Variants in CZIB observed in about 807,000 individuals in gnomAD.
CZIB encodes UPF0587 protein C1orf123.
CZIB carries 26 observed loss-of-function variants against 28.3 expected under a neutral mutation model. The observed-to-expected ratio is 0.92, with a 90% confidence interval of 0.67 to 1.27. The LOEUF is 1.27. Among genes scored for constraint, CZIB ranks in the 50% most tolerant of loss-of-function variants. The pLI, the probability that CZIB is intolerant of heterozygous loss-of-function variation, is 0.00. For missense variants in CZIB, 179 were observed against 197.3 expected (o/e 0.91, Z 0.56); for synonymous variants, 78 against 71.1 (o/e 1.10, Z -0.49).
intron 2 of CZIB, chr1:53,219,220 A>G (rs1279653712): frequency 7.4e-6 from 3 of 406,702 alleles, no homozygotes; most frequent in East Asian, 5.8e-5. Flanking sequence ...GGGGGGGAAT[A>G]TGGAGAGATT....
chr1:53,214,972 A>G (rs1645460847), intron 7 of CZIB, among the ~76,000 whole-genome samples: 1 of 152,222 alleles, frequency 6.6e-6, no homozygotes, highest in African/African-American at 2.4e-5. Context: ...TTCTATTTAA[A>G]AAAAACAAAA....
At chr1:53,220,160 G>A (rs1447502326) in intron 2 of CZIB, 101 bp downstream of exon 2, 2 of 1,037,342 alleles carry the variant, frequency 1.9e-6, no homozygotes, top group South Asian at 1.5e-5. Flanking sequence ...AACACTTAAT[G>A]TGCCTGGTTA....
At chr1:53,218,586 G>C in intron 3 of CZIB, 91 bp from the exon 4 acceptor site, 1 of 1,319,862 alleles carries the variant, frequency 7.6e-7, no homozygotes, top group Non-Finnish European at 1.1e-6. Context: ...TCCACTTAAA[G>C]AGACCAAGAC....
intron 5 of CZIB, chr1:53,217,123 T>A: frequency 2.5e-6 from 1 of 405,310 alleles, no homozygotes; most frequent in South Asian, 3.5e-5. Context: ...TCTGCCTATC[T>A]TCCCCTCTGG....
At chr1:53,217,455 A>T (rs1203155898) in intron 5 of CZIB, 3 of 153,766 alleles carry the variant, frequency 2.0e-5, no homozygotes, top group Non-Finnish European at 2.9e-5. Context: ...TGCCTACCTG[A>T]CCTATGGGCT....
rs534964575 is a variant in CZIB, at chr1:53,214,524, T to G, written c.*135A>C. ...TGGGGCTTGGGAAGCTGTAATAAAG[T>G]CCAGCATGCAGATTGTGAAGGTTTC... On this transcript the variant is annotated 3_prime_UTR_variant, in exon 8 of 8. Transcript: ENST00000294360. 1 of 689,548 alleles carries G rather than the reference T, an allele frequency of 1.5e-6. No individual in the cohort carries two copies. Among genetic ancestry groups the G allele is most frequent in the East Asian group, 2.7e-5 (1 of 37,046 alleles). 42.7% of individuals were successfully genotyped at this position (689,548 alleles called of 1,614,324 possible).
chr1:53,214,291 T>C lies in CZIB; in HGVS notation c.*368A>G, dbSNP rs1285786969. ...AAGTTCAGGTAACAGTACGTCACCA[T>C]TGGCTTCTGGCTCATTGAGTGATGG... is the stretch of plus-strand genomic sequence containing the variant. On this transcript the variant is annotated 3_prime_UTR_variant, in exon 8 of 8. Coordinates refer to ENST00000294360, the MANE Select transcript of CZIB (RefSeq NM_017887.3). 4 of 209,896 alleles carry C rather than the reference T, an allele frequency of 1.9e-5. No homozygotes were observed. The highest frequency in any genetic ancestry group is 1.1e-4 in the East Asian group (1 of 8,960). The allele number at this position is 209,896 out of a possible 1,614,324, so 13.0% of individuals were successfully genotyped here.
intron 7 of CZIB, among the ~76,000 whole-genome samples, chr1:53,215,660 T>G (rs770651450): frequency 1.2e-4 from 18 of 152,216 alleles, no homozygotes; most frequent in Non-Finnish European, 2.5e-4. Context: ...CATCAACCAA[T>G]CAATAATCTA....
Position 53,220,570 on chromosome 1 carries a change from C to T in CZIB, c.6G>A (p.Gly2=), listed in dbSNP as rs754823336. Residue 2 remains glycine, a splice_region_variant and synonymous_variant, in exon 1 of 8, where the codon GGG becomes GGA. Coordinates refer to ENST00000294360, the MANE Select transcript of CZIB (RefSeq NM_017887.3). Reference sequence around the variant, plus strand: ...CCCGCGGCGGGCGGCCTCCCCTCACCCCCATGGTAGCCCTCTCCGCCCGGT... The same window carrying T: ...CCCGCGGCGGGCGGCCTCCCCTCACTCCCATGGTAGCCCTCTCCGCCCGGT... M[G]KIALQLKATL... is the part of the protein sequence containing the mutation. 1.3e-6 allele frequency: 2 copies of T among 1,599,046 alleles called. No individual in the cohort carries two copies. The highest frequency in any genetic ancestry group is 2.2e-5 in the East Asian group (1 of 44,858).
At position 53,218,216 on chromosome 1, in the gene CZIB, A is replaced by C; in HGVS notation, c.230-13T>G. 1 of 1,614,094 alleles carries C rather than the reference A, an allele frequency of 6.2e-7. No individual in the cohort carries two copies. Among genetic ancestry groups the C allele is most frequent in the South Asian group, 1.1e-5 (1 of 91,068 alleles). On this transcript the variant is annotated splice_polypyrimidine_tract_variant and intron_variant, in intron 4 of 7. Transcript: ENST00000294360. ...CTGCTTAAAATCTCTGAAATAGAAAAGAGAACACAAAGTTGACTTGAGTCC... is the reference window on the plus strand; with the variant it reads ...CTGCTTAAAATCTCTGAAATAGAAACGAGAACACAAAGTTGACTTGAGTCC...
chr1:53,214,275 T>A lies in CZIB; in HGVS notation c.*384A>T, dbSNP rs540664995. The A allele has an allele frequency of 5.3e-6, 1 of 189,334 alleles. No individual in the cohort carries two copies. Among genetic ancestry groups the A allele is most frequent in the East Asian group, 1.4e-4 (1 of 7,290 alleles). The allele number at this position is 189,334 out of a possible 1,614,324, so 11.7% of individuals were successfully genotyped here. ...CAACAGCAAGTTCAGTAAGTTCAGG[T>A]AACAGTACGTCACCATTGGCTTCTG... is the stretch of plus-strand genomic sequence containing the variant. On this transcript the variant is annotated 3_prime_UTR_variant, in exon 8 of 8. Coordinates refer to ENST00000294360, the MANE Select transcript of CZIB (RefSeq NM_017887.3).
At position 53,218,874 on chromosome 1, in the gene CZIB, C is replaced by T. The variant is rs778342480; in HGVS notation, c.140G>A (p.Arg47Gln). The change falls in exon 3 of 8, where the codon CGG becomes CAG. Residue 47 changes from arginine to glutamine, a missense_variant. Transcript: ENST00000294360. ...GEISDKWQYI[R>Q]LMDSVALKGG... ...TGGGCGGGGAACAGTTACCATCAGC[C>T]GGATGTACTGCCACTTGTCCGAAAT... The T allele has an allele frequency of 1.5e-5, 24 of 1,613,176 alleles. No individual in the cohort carries two copies. Among genetic ancestry groups the T allele is most frequent in the Middle Eastern group, 1.6e-4 (1 of 6,062 alleles).
rs374280662 is a variant in CZIB, at chr1:53,220,261, C to G, written c.90G>C (p.Lys30Asn). 2.1e-5 allele frequency: 34 copies of G among 1,612,966 alleles called. No individual in the cohort carries two copies. The highest frequency in any genetic ancestry group is 2.9e-5 in the Non-Finnish European group (34 of 1,179,724). Residue 30 changes from lysine (K) to asparagine (N), a missense_variant and splice_region_variant, in exon 2 of 8, where the codon AAG becomes AAC. Physicochemically the swap from Lys to Asn is moderately conservative, Grantham distance 94. Transcript: ENST00000294360. ...PVGEDFRWYLKMKCGNCGEIS... is the reference protein window; with the variant it reads ...PVGEDFRWYLNMKCGNCGEIS... ...TCCCCGGGCCCCGCCCCGGCCGCACCTTCAGGTACCACCGGAAGTCCTCGC... is the reference window on the plus strand; with the variant it reads ...TCCCCGGGCCCCGCCCCGGCCGCACGTTCAGGTACCACCGGAAGTCCTCGC...
In CZIB at chr1:53,214,409, C is replaced by A; in HGVS notation, c.*250G>T. 2.1e-6 allele frequency: 1 copy of A among 481,632 alleles called. No individual in the cohort carries two copies. The highest frequency in any genetic ancestry group is 3.4e-5 in the South Asian group (1 of 29,318). The allele number at this position is 481,632 out of a possible 1,614,324, so 29.8% of individuals were successfully genotyped here. ...CTTCATTTTCCTAAGGAGTGAACTG[C>A]TGCTGCACGAATTCTTATTTGTGGA... On this transcript the variant is annotated 3_prime_UTR_variant, in exon 8 of 8. Coordinates refer to ENST00000294360, the MANE Select transcript of CZIB (RefSeq NM_017887.3).
intron 3 of CZIB, 175 bp downstream of exon 3, chr1:53,218,692 C>A: frequency 1.3e-6 from 1 of 786,988 alleles, no homozygotes; most frequent in South Asian, 1.8e-5. Flanking sequence ...CTGCCTCATA[C>A]CTCAAAGATG....
chr1:53,217,872 G>C (rs1645483817), intron 5 of CZIB: 2 of 380,622 alleles, frequency 5.3e-6, no homozygotes, highest in South Asian at 8.9e-5. Context: ...GAGAAAGCTT[G>C]CTAGTCCCCT....
rs1645477570 is a variant in CZIB, at chr1:53,216,851, G to A, written c.270C>T (p.Asp90=). The change falls in exon 6 of 8, where the codon GAC becomes GAT. Residue 90 remains aspartate, a synonymous_variant. Transcript: ENST00000294360. The part of the protein sequence containing the change: ...SSTIKPYNAE[D]NENFKTIVEF... ...CCACTATTGTCTTGAAGTTCTCATT[G>A]TCTTCAGCCTAGAAAGGAAGTGTGT... is the stretch of plus-strand genomic sequence containing the variant. The A allele has an allele frequency of 3.1e-6, 5 of 1,614,076 alleles. No homozygotes were observed. The highest frequency in any genetic ancestry group is 4.2e-6 in the Non-Finnish European group (5 of 1,179,912).
In CZIB at chr1:53,218,399, C is replaced by T. The variant is rs755553635; in HGVS notation, c.229+15G>A. 1 of 1,614,126 alleles carries T rather than the reference C, an allele frequency of 6.2e-7. No individual in the cohort carries two copies. Among genetic ancestry groups the T allele is most frequent in the South Asian group, 1.1e-5 (1 of 91,080 alleles). ...GGCCACCCTGGCAGAACTCAGTACG[C>T]ACAGCCTGACCTACCGATGGAATTT... is the stretch of plus-strand genomic sequence containing the variant. On this transcript the variant is annotated intron_variant, in intron 4 of 7. Transcript: ENST00000294360.
At chr1:53,214,757 G>GT (rs1192454742) in intron 7 of CZIB, 21 bp from the exon 8 acceptor site, 1 of 1,608,196 alleles carries the variant, frequency 6.2e-7, no homozygotes, top group African/African-American at 1.3e-5. Context: ...AAATGGCATT[G>GT]TTAGCCTCAC....
Sources: allele counts gnomAD v4.1 joint callset (sites outside exome capture counted in the v4.1 genomes callset), GRCh38; gene constraint gnomAD v4.1.1; transcripts MANE v1.5; gene names NCBI Gene and HGNC (gene_info 2026-07-23, HGNC 2026-07-21).